The following VPS13B variants were observed in gnomAD, a reference collection of about 807,000 sequenced individuals.
The protein encoded by VPS13B is vacuolar protein sorting 13 homolog B, also known as intermembrane lipid transfer protein VPS13B.
Under a neutral mutation model 426.4 loss-of-function variants are expected in VPS13B, and 285 were observed. The observed-to-expected ratio is 0.67, with a 90% CI of 0.61 to 0.74. VPS13B has a LOEUF of 0.74. Among genes scored for constraint, VPS13B ranks in the 30% least tolerant of loss-of-function variants. The pLI, the probability that VPS13B is intolerant of heterozygous loss-of-function variation, is 0.00. For synonymous variants in VPS13B, 1,676 were observed against 1,676.4 expected (o/e 1.00, Z 0.01); for missense variants, 4,537 against 4,782.6 (o/e 0.95, Z 1.51).
rs1310372117 is a variant in VPS13B at position 99,135,054 on chromosome 8, G to C, written c.1342G>C (p.Gly448Arg). 1.9e-6 allele frequency: 3 copies of C among 1,613,568 alleles called. No individual in the cohort carries two copies. Among genetic ancestry groups the C allele is most frequent in the Non-Finnish European group, 2.5e-6 (3 of 1,179,640 alleles). ...AGAACCTTTCTTTGATTGCCAGATT[G>C]GGTTTGTTGGTTGCAGAGCCATGTG... ...MGEPFFDCQI[G>R]FVGCRAMCLK... is the part of the protein sequence containing the mutation. The change falls in exon 10 of 62, where the codon GGG (glycine) becomes CGG (arginine). Residue 448 changes from glycine (G) to arginine (R), a missense_variant. By Grantham distance (125) the Gly-to-Arg change is moderately radical. Transcript: ENST00000357162.
At chr8:99,065,463 CG>C (rs1844433303) in intron 3 of VPS13B, among the ~76,000 whole-genome samples, 1 of 152,164 alleles carries the variant, frequency 6.6e-6, no homozygotes, top group South Asian at 2.1e-4. Flanking sequence ...AATTTAACAG[CG>C]CTTCATACTA....
intron 58 of VPS13B, 58 bp from the exon 59 acceptor site, chr8:99,868,231 C>CT: frequency 6.2e-7 from 1 of 1,609,250 alleles, no homozygotes; most frequent in South Asian, 1.1e-5. Flanking sequence ...CAGATGGAGC[C>CT]TTTCATTTTC....
chr8:99,549,575 A>G (rs988203225), intron 30 of VPS13B, among the ~76,000 whole-genome samples: 4 of 152,120 alleles, frequency 2.6e-5, no homozygotes, highest in Non-Finnish European at 5.9e-5. Context: ...CTATTGTGCT[A>G]CTACAGAATT....
At chr8:99,267,977 T>C (rs112479863) in intron 17 of VPS13B, among the ~76,000 whole-genome samples, 3,295 of 152,198 alleles carry the variant, frequency 0.022, 130 homozygotes, top group African/African-American at 0.075. Flanking sequence ...CTTAGTACTC[T>C]GTCCCCGCCA....
intron 31 of VPS13B, among the ~76,000 whole-genome samples, chr8:99,563,744 A>G (rs1338955766): frequency 1.3e-5 from 2 of 152,174 alleles, no homozygotes; most frequent in Non-Finnish European, 2.9e-5. Context: ...CATAACAGAT[A>G]CCAAATAAAG....
intron 15 of VPS13B, among the ~76,000 whole-genome samples, chr8:99,165,260 AATAGATCTTTT>A (rs1408481234): frequency 1.3e-5 from 2 of 152,134 alleles, no homozygotes; most frequent in Non-Finnish European, 2.9e-5. Flanking sequence ...CATGTTGTAC[AATAGATCTTTT>A]AAATTTATTT....
chr8:99,807,425 T>A (rs957536599), intron 43 of VPS13B, among the ~76,000 whole-genome samples: 1 of 152,150 alleles, frequency 6.6e-6, no homozygotes, highest in African/African-American at 2.4e-5. Context: ...CTCATTATTT[T>A]TTTTTTTTTG....
chr8:99,646,202 T>TA (rs1231250085), intron 34 of VPS13B, among the ~76,000 whole-genome samples: 1 of 152,176 alleles, frequency 6.6e-6, no homozygotes, highest in Non-Finnish European at 1.5e-5. Context: ...ACAGTGTTCA[T>TA]ATGTTTTCTC....
At chr8:99,518,999 A>G (rs988989771) in intron 29 of VPS13B, among the ~76,000 whole-genome samples, 1 of 152,190 alleles carries the variant, frequency 6.6e-6, no homozygotes, top group African/African-American at 2.4e-5. Context: ...TAAGACCTAG[A>G]AAGTTGTATA....
Position 99,391,600 on chromosome 8 carries a change from G to A in VPS13B, c.2978G>A (p.Arg993Lys), listed in dbSNP as rs1814451217. 3 of 1,614,170 alleles carry A rather than the reference G, an allele frequency of 1.9e-6. No individual in the cohort carries two copies. ...AVPLVMPVCR[R>K]KEDEVSIGSA... is the part of the protein sequence containing the mutation. ...CCTCTTGTTATGCCAGTTTGTAGAAGGAAAGAGGATGAGGTGTCTATTGGA... is the reference window on the plus strand; with the variant it reads ...CCTCTTGTTATGCCAGTTTGTAGAAAGAAAGAGGATGAGGTGTCTATTGGA... The change falls in exon 21 of 62, where the codon AGG becomes AAG. Residue 993 changes from arginine to lysine, a missense_variant. Transcript: ENST00000357162.
intron 14 of VPS13B, among the ~76,000 whole-genome samples, chr8:99,151,931 C>T (rs1218736900): frequency 6.6e-6 from 1 of 152,154 alleles, no homozygotes; most frequent in Non-Finnish European, 1.5e-5. Flanking sequence ...TATTCTCTTA[C>T]ACTTTTTCTT....
chr8:99,088,077 G>A (rs867030498), intron 3 of VPS13B, among the ~76,000 whole-genome samples: 3 of 151,538 alleles, frequency 2.0e-5, no homozygotes, highest in Middle Eastern at 3.4e-3. Context: ...CCAGCTACTC[G>A]GGAGGTTGAG....
At chr8:99,729,295 T>C (rs957335067) in intron 39 of VPS13B, among the ~76,000 whole-genome samples, 7 of 152,224 alleles carry the variant, frequency 4.6e-5, no homozygotes, top group Non-Finnish European at 8.8e-5. Context: ...TGACAAAAAT[T>C]GACTCAATTT....
At chr8:99,581,406 G>C (rs1826052362) in intron 33 of VPS13B, among the ~76,000 whole-genome samples, 1 of 152,014 alleles carries the variant, frequency 6.6e-6, no homozygotes, top group Non-Finnish European at 1.5e-5. Flanking sequence ...ACTGGATGAT[G>C]GATTAGGAAA....
At chr8:99,769,932 G>A (rs963096633) in intron 40 of VPS13B, among the ~76,000 whole-genome samples, 3 of 152,158 alleles carry the variant, frequency 2.0e-5, no homozygotes, top group African/African-American at 7.2e-5. Context: ...GCTGAGGTGG[G>A]AAGATGGCTT....
At chr8:99,143,956 T>G (rs2132583994) in intron 13 of VPS13B, among the ~76,000 whole-genome samples, 1 of 152,252 alleles carries the variant, frequency 6.6e-6, no homozygotes, top group South Asian at 2.1e-4. Flanking sequence ...GAGCAGAACT[T>G]TATGTGATGT....
intron 39 of VPS13B, among the ~76,000 whole-genome samples, chr8:99,733,967 T>A (rs1833705958): frequency 1.3e-5 from 2 of 152,180 alleles, no homozygotes; most frequent in Non-Finnish European, 2.9e-5. Flanking sequence ...GAATCAATTT[T>A]GGAATATTTT....
intron 30 of VPS13B, among the ~76,000 whole-genome samples, chr8:99,531,801 T>C (rs924917380): frequency 2.0e-5 from 3 of 152,082 alleles, no homozygotes; most frequent in Admixed American, 6.5e-5. Flanking sequence ...TTTATAGAAT[T>C]AGATATATAA....
intron 3 of VPS13B, among the ~76,000 whole-genome samples, chr8:99,067,763 A>G (rs963356419): frequency 1.3e-5 from 2 of 152,204 alleles, no homozygotes; most frequent in Non-Finnish European, 2.9e-5. Flanking sequence ...TCAATTCCTT[A>G]AAGTCTTTAA....
Sources: allele counts gnomAD v4.1 joint callset (sites outside exome capture counted in the v4.1 genomes callset), GRCh38; gene constraint gnomAD v4.1.1; transcripts MANE v1.5; gene names NCBI Gene and HGNC (gene_info 2026-07-23, HGNC 2026-07-21).